NFYC: variants seen among roughly 807,000 people sequenced by gnomAD.
The protein encoded by NFYC is nuclear transcription factor Y subunit gamma, also known as CAAT box DNA-binding protein subunit C.
A neutral mutation model predicts 53.1 loss-of-function variants in NFYC; 25 were observed. The ratio of observed to expected loss-of-function variants is 0.47; its 90% CI spans 0.34 to 0.66. NFYC has a LOEUF of 0.66. NFYC is among the 30% of genes least tolerant of loss of function. The probability of loss-of-function intolerance (pLI) is 0.01; values close to 1 mark genes in which losing one functional copy is unlikely to be tolerated. For synonymous variants in NFYC, 145 were observed against 152.6 expected (o/e 0.95, Z 0.37); for missense variants, 260 against 422.7 (o/e 0.62, Z 3.38).
chr1:40,752,053 G>A (rs546482324), intron 4 of NFYC, among the ~76,000 whole-genome samples: 3 of 152,278 alleles, frequency 2.0e-5, no homozygotes, highest in South Asian at 2.1e-4. Flanking sequence ...CACCTTTTAA[G>A]GTGTGGTATA....
intron 1 of NFYC, among the ~76,000 whole-genome samples, chr1:40,720,456 T>A (rs1174182258): frequency 6.6e-6 from 1 of 152,198 alleles, no homozygotes; most frequent in Non-Finnish European, 1.5e-5. Context: ...CTCTTGTGGC[T>A]CTTCCATTGG....
chr1:40,762,717 C>T (rs1187280059), intron 6 of NFYC, among the ~76,000 whole-genome samples, 171 bp from the exon 7 acceptor site: 15 of 152,144 alleles, frequency 9.9e-5, no homozygotes, highest in Admixed American at 9.8e-4. Context: ...AGAGTAACTT[C>T]AGCAATGCTG....
In NFYC at chr1:40,758,137, C is replaced by G; in HGVS notation, c.404C>G (p.Ser135Cys). 1 of 1,611,948 alleles carries G rather than the reference C, an allele frequency of 6.2e-7. No individual in the cohort carries two copies. Among genetic ancestry groups the G allele is most frequent in the Non-Finnish European group, 8.5e-7 (1 of 1,179,858 alleles). Residue 135 changes from serine (S) to cysteine (C), a missense_variant, in exon 6 of 10, where the codon TCT becomes TGT. Transcript: ENST00000447388. ...PPKRQEEVRQ[S>C]VTPAEPVQYY... The stretch of plus-strand genomic sequence containing the variant: ...ACCCAACAGGAGGAGGTGCGCCAGT[C>G]TGTAACTCCTGCCGAGCCAGTCCAG...
intron 8 of NFYC, among the ~76,000 whole-genome samples, chr1:40,767,764 A>G (rs1299511491): frequency 6.6e-6 from 1 of 152,104 alleles, no homozygotes; most frequent in Admixed American, 6.5e-5. Flanking sequence ...TGATCACATG[A>G]GGTCGGGAGT....
chr1:40,691,909 A>C (rs1333837746), intron 1 of NFYC, 42 bp downstream of exon 1: 1 of 344,840 alleles, frequency 2.9e-6, no homozygotes, highest in Non-Finnish European at 5.8e-6. Flanking sequence ...GGTGATAGGG[A>C]AGCGGCGGCG....
chr1:40,728,275 G>A (rs1298828402), intron 1 of NFYC, among the ~76,000 whole-genome samples: 1 of 152,148 alleles, frequency 6.6e-6, no homozygotes, highest in Non-Finnish European at 1.5e-5. Context: ...ATGGGCTGCA[G>A]AATGGATATT....
At chr1:40,751,419 T>A (rs977770901) in intron 4 of NFYC, among the ~76,000 whole-genome samples, 9 of 152,218 alleles carry the variant, frequency 5.9e-5, no homozygotes, top group Non-Finnish European at 1.2e-4. Flanking sequence ...CCTTTTTTAT[T>A]TTTTGAGATA....
chr1:40,753,375 C>T, intron 5 of NFYC, 129 bp downstream of exon 5: 2 of 594,690 alleles, frequency 3.4e-6, no homozygotes, highest in Non-Finnish European at 6.0e-6. Context: ...AGACCAGATT[C>T]ATTCTTAACA....
chr1:40,700,069 A>G (rs769425512), intron 1 of NFYC, among the ~76,000 whole-genome samples: 1 of 152,204 alleles, frequency 6.6e-6, no homozygotes. Flanking sequence ...GGTGTAGTCT[A>G]TGAATAAAAA....
intron 4 of NFYC, among the ~76,000 whole-genome samples, chr1:40,751,494 C>G (rs566116629): frequency 6.6e-6 from 1 of 152,252 alleles, no homozygotes; most frequent in South Asian, 2.1e-4. Flanking sequence ...CAGCCTCGAC[C>G]TCCTGGGCTC....
chr1:40,705,039 C>CAGACATAATA (rs2148430631), intron 1 of NFYC, among the ~76,000 whole-genome samples: 1 of 152,306 alleles, frequency 6.6e-6, no homozygotes, highest in South Asian at 2.1e-4. Flanking sequence ...AATGCTTATT[C>CAGACATAATA]AGGCATAGTA....
intron 1 of NFYC, among the ~76,000 whole-genome samples, chr1:40,718,321 G>C (rs1644212443): frequency 6.6e-6 from 1 of 152,248 alleles, no homozygotes; most frequent in South Asian, 2.1e-4. Flanking sequence ...GCAGAGCCTA[G>C]TGACAAAGGC....
At chr1:40,746,498 TA>T (rs1553158231) in intron 2 of NFYC, among the ~76,000 whole-genome samples, 1 of 151,692 alleles carries the variant, frequency 6.6e-6, no homozygotes, top group East Asian at 1.9e-4. Flanking sequence ...TGAAATAATA[TA>T]TGCTCCTTCC....
At chr1:40,715,735 G>T (rs1644111399) in intron 1 of NFYC, among the ~76,000 whole-genome samples, 1 of 151,980 alleles carries the variant, frequency 6.6e-6, no homozygotes, top group Non-Finnish European at 1.5e-5. Flanking sequence ...TTAGATTACA[G>T]TCTAGCACCT....
intron 1 of NFYC, among the ~76,000 whole-genome samples, chr1:40,720,460 C>T (rs1644289161): frequency 6.6e-6 from 1 of 152,150 alleles, no homozygotes; most frequent in Admixed American, 6.5e-5. Flanking sequence ...TGTGGCTCTT[C>T]CATTGGATTA....
chr1:40,717,135 A>T (rs1380380434), intron 1 of NFYC, among the ~76,000 whole-genome samples: 1 of 152,104 alleles, frequency 6.6e-6, no homozygotes, highest in Non-Finnish European at 1.5e-5. Flanking sequence ...ATTATAGCTG[A>T]ACCTAGGGGA....
At chr1:40,765,205 AG>A (rs1646751865) in intron 7 of NFYC, among the ~76,000 whole-genome samples, 1 of 152,210 alleles carries the variant, frequency 6.6e-6, no homozygotes, top group Admixed American at 6.5e-5. Context: ...TTGGCACCAC[AG>A]CCTCCCAGCA....
Position 40,770,953 on chromosome 1 carries a change from T to C in NFYC, c.*125T>C. The C allele has an allele frequency of 1.1e-6, 1 of 943,602 alleles. No individual in the cohort carries two copies. 58.5% of individuals were successfully genotyped at this position (943,602 alleles called of 1,614,324 possible). A position where few individuals can be genotyped will look rare whatever the true frequency, so the allele number is the denominator to read the frequency against. Reference sequence around the variant, plus strand: ...CAGCGCCTCCTGCAGGCTAGGACACTGGTGCACTACACCCCATGCCTGGGG... The same window carrying C: ...CAGCGCCTCCTGCAGGCTAGGACACCGGTGCACTACACCCCATGCCTGGGG... On this transcript the variant is annotated 3_prime_UTR_variant, in exon 10 of 10. Transcript: ENST00000447388. The surrounding 1 kb of genome is among the most constrained non-coding windows in gnomAD (Gnocchi z 5.3).
intron 8 of NFYC, chr1:40,767,178 A>C: frequency 6.3e-5 from 34 of 541,168 alleles, no homozygotes; most frequent in East Asian, 1.4e-4. Flanking sequence ...TACAATATTG[A>C]TGGCTATGAG....
Sources: gnomAD v4.1 joint callset for allele counts (sites outside exome capture counted in the v4.1 genomes callset) on GRCh38, gnomAD v4.1.1 for gene constraint, Gnocchi (gnomAD v3.1) non-coding constraint, MANE v1.5 for transcripts, NCBI Gene and HGNC (gene_info 2026-07-23, HGNC 2026-07-21) for gene names.